MAP4: variants seen among roughly 807,000 people sequenced by gnomAD.
The protein encoded by MAP4 is microtubule-associated protein 4.
Under a neutral mutation model 170.2 loss-of-function variants are expected in MAP4, and 76 were observed. The ratio of observed to expected loss-of-function variants is 0.45; its 90% confidence interval spans 0.37 to 0.54. MAP4 has a LOEUF of 0.54. Ranked by LOEUF, MAP4 falls within the 20% of genes least tolerant of loss-of-function variation. The pLI, the probability that MAP4 is intolerant of heterozygous loss-of-function variation, is 0.00. For synonymous variants in MAP4, 909 were observed against 994.5 expected (o/e 0.91, Z 1.62); for missense variants, 2,506 against 2,748.0 (o/e 0.91, Z 1.97).
chr3:47,891,138 A>G, intron 10 of MAP4: 1 of 1,536,258 alleles, frequency 6.5e-7, no homozygotes, highest in Non-Finnish European at 8.7e-7. Flanking sequence ...CCTCGCTGGC[A>G]AACCTGCGAG....
chr3:47,949,427 C>T (rs4031838), intron 3 of MAP4, among the ~76,000 whole-genome samples: 1 of 143,194 alleles, frequency 7.0e-6, no homozygotes, highest in African/African-American at 2.6e-5. Context: ...GATTGTCCCA[C>T]TGCACTCCAA....
intron 1 of MAP4, among the ~76,000 whole-genome samples, chr3:48,022,852 C>G (rs927056829): frequency 6.6e-6 from 1 of 151,780 alleles, no homozygotes; most frequent in Admixed American, 6.6e-5. Flanking sequence ...GATTGCGCCA[C>G]GGCACTCCAG....
intron 10 of MAP4, among the ~76,000 whole-genome samples, chr3:47,879,511 C>T (rs1173700935): frequency 6.6e-6 from 1 of 152,130 alleles, no homozygotes; most frequent in Non-Finnish European, 1.5e-5. Context: ...TACCCAGTCT[C>T]CCCAAGTGTT....
intron 3 of MAP4, among the ~76,000 whole-genome samples, chr3:47,957,064 G>T (rs1578292027): frequency 1.3e-5 from 2 of 152,176 alleles, no homozygotes; most frequent in East Asian, 3.8e-4. Context: ...ATGTATTCTG[G>T]ATACAGATTT....
intron 3 of MAP4, among the ~76,000 whole-genome samples, chr3:47,956,848 T>C (rs1485104988): frequency 6.6e-6 from 1 of 152,228 alleles, no homozygotes; most frequent in African/African-American, 2.4e-5. Flanking sequence ...CTCAACAACA[T>C]GATCTTCCCC....
chr3:47,946,731 T>C (rs1437280614), intron 3 of MAP4, among the ~76,000 whole-genome samples: 1 of 150,312 alleles, frequency 6.7e-6, no homozygotes, highest in Non-Finnish European at 1.5e-5. Context: ...AAACCAGGGC[T>C]ATCATATATC....
intron 1 of MAP4, among the ~76,000 whole-genome samples, chr3:48,033,932 C>T (rs544867662): frequency 6.6e-6 from 1 of 152,208 alleles, no homozygotes; most frequent in Admixed American, 6.5e-5. Context: ...TGCACTAATC[C>T]AAATGTAGAT....
chr3:47,876,448 T>A (rs1021814587), intron 11 of MAP4, among the ~76,000 whole-genome samples: 2 of 152,172 alleles, frequency 1.3e-5, no homozygotes, highest in African/African-American at 4.8e-5. Context: ...AGTTTCTTAA[T>A]GATAGTGGCA....
At chr3:48,000,369 G>T (rs1356108156) in intron 1 of MAP4, among the ~76,000 whole-genome samples, 1 of 152,060 alleles carries the variant, frequency 6.6e-6, no homozygotes, top group Non-Finnish European at 1.5e-5. Context: ...GACTCCATAG[G>T]ATAAGTTGAC....
chr3:47,945,925 A>C (rs950349180), intron 3 of MAP4, among the ~76,000 whole-genome samples: 4 of 148,238 alleles, frequency 2.7e-5, no homozygotes, highest in Non-Finnish European at 4.5e-5. Context: ...TGTTGCCAAG[A>C]CTGGTTTTAT....
intron 3 of MAP4, among the ~76,000 whole-genome samples, chr3:47,938,736 G>A (rs530722398): frequency 2.0e-5 from 3 of 152,190 alleles, no homozygotes; most frequent in Admixed American, 6.5e-5. Context: ...TGTAAATTTG[G>A]GACAGCCCTT....
chr3:48,033,387 A>C (rs1436893208), intron 1 of MAP4, among the ~76,000 whole-genome samples: 1 of 152,152 alleles, frequency 6.6e-6, no homozygotes, highest in African/African-American at 2.4e-5. Flanking sequence ...ATGCTTCTAC[A>C]GTTAGTATCT....
chr3:47,887,938 ACT>A lies in MAP4; in HGVS notation c.5435-10417_5435-10416del, dbSNP rs1275845657. Among the ~76,000 whole-genome samples the A allele has an allele frequency of 6.7e-5, 10 of 149,734 alleles. No individual in the cohort carries two copies. The East Asian group carries it at 1.6e-3, about 24-fold the overall frequency. ...AAGGTTTGTGAATGCACCAATCGAC[ACT>A]CTGTATCTAGCTGCTCTGGTGGGGC... On this transcript the variant is annotated intron_variant, in intron 10 of 20. Coordinates refer to ENST00000683076, the MANE Select transcript of MAP4 (RefSeq NM_001385682.1).
At chr3:47,862,979 T>G (rs1045012112) in intron 17 of MAP4, among the ~76,000 whole-genome samples, 3 of 151,490 alleles carry the variant, frequency 2.0e-5, no homozygotes, top group Non-Finnish European at 4.4e-5. Context: ...TTTTTTTTTT[T>G]GGTTTTTGTT....
At chr3:47,929,208 A>G (rs2100047888) in intron 3 of MAP4, among the ~76,000 whole-genome samples, 1 of 152,136 alleles carries the variant, frequency 6.6e-6, no homozygotes. Flanking sequence ...TACAAAAATT[A>G]GCTGGGCATG....
At chr3:47,978,723 A>G (rs576990809) in intron 2 of MAP4, among the ~76,000 whole-genome samples, 1 of 150,792 alleles carries the variant, frequency 6.6e-6, no homozygotes, top group East Asian at 1.9e-4. Flanking sequence ...TTCTGGAAGC[A>G]GAGGACTCCT....
intron 2 of MAP4, among the ~76,000 whole-genome samples, chr3:47,991,918 G>A (rs999525503): frequency 4.6e-5 from 7 of 151,520 alleles, no homozygotes; most frequent in Non-Finnish European, 7.4e-5. Context: ...TGATCCACCC[G>A]CCTCAGCCTC....
At chr3:48,028,402 G>A (rs1230389802) in intron 1 of MAP4, among the ~76,000 whole-genome samples, 1 of 152,138 alleles carries the variant, frequency 6.6e-6, no homozygotes, top group African/African-American at 2.4e-5. Flanking sequence ...TTTTGGCTGG[G>A]TTTTAGTGGC....
Position 47,909,626 on chromosome 3 carries a change from T to C in MAP4, c.4795A>G (p.Arg1599Gly). The change falls in exon 9 of 21, where the codon AGA (arginine) becomes GGA (glycine). Residue 1599 changes from arginine to glycine, a missense_variant. Transcript: ENST00000683076. ...ACTGGATGTGCTGGGAAATTACCTCTATCTGCATATCCTTCTAGGGCTCTG... is the reference window on the plus strand; with the variant it reads ...ACTGGATGTGCTGGGAAATTACCTCCATCTGCATATCCTTCTAGGGCTCTG... Reference protein sequence around the residue: ...EARALEGYADRGNFPAHPVNE... With the variant: ...EARALEGYADGGNFPAHPVNE... 1 of 1,613,896 alleles carries C rather than the reference T, an allele frequency of 6.2e-7. No individual in the cohort carries two copies. The highest frequency in any genetic ancestry group is 1.1e-5 in the South Asian group (1 of 91,086).
Sources: allele counts gnomAD v4.1 joint callset (sites outside exome capture counted in the v4.1 genomes callset), GRCh38; gene constraint gnomAD v4.1.1; transcripts MANE v1.5; gene names NCBI Gene and HGNC (gene_info 2026-07-23, HGNC 2026-07-21).